The following IL1RAPL2 variants were observed in gnomAD, a reference collection of about 807,000 sequenced individuals.
The protein encoded by IL1RAPL2 is interleukin 1 receptor accessory protein like 2, also known as X-linked interleukin-1 receptor accessory protein-like 2.
Under a neutral mutation model 44.1 loss-of-function variants are expected in IL1RAPL2, and 3 were observed. That is an observed-to-expected ratio of 0.07 (90% CI 0.03 to 0.18). The LOEUF is 0.18. IL1RAPL2 is among the 10% of genes least tolerant of loss of function. The pLI is 1.00. For synonymous variants in IL1RAPL2, 181 were observed against 178.8 expected (o/e 1.01, Z -0.10); for missense variants, 391 against 496.4 (o/e 0.79, Z 2.02).
intron 2 of IL1RAPL2, among the ~76,000 whole-genome samples, chrX:105,101,018 AG>A (rs750623716): frequency 8.9e-6 from 1 of 112,621 alleles, no homozygotes; most frequent in South Asian, 3.6e-4. Context: ...TTTCACATAG[AG>A]GGGAACATTA....
intron 2 of IL1RAPL2, among the ~76,000 whole-genome samples, chrX:104,858,019 C>T (rs1343162042): frequency 1.8e-5 from 2 of 110,670 alleles, no homozygotes; most frequent in Admixed American, 9.7e-5. Context: ...TTTTTCAGTC[C>T]GCCAGTACTC....
intron 3 of IL1RAPL2, among the ~76,000 whole-genome samples, chrX:105,214,541 C>T (rs1383101674): frequency 1.8e-5 from 2 of 110,474 alleles, no homozygotes; most frequent in African/African-American, 3.3e-5. Flanking sequence ...ACATTAACAC[C>T]CCACTATCAA....
chrX:104,922,232 C>G (rs757956517), intron 2 of IL1RAPL2, among the ~76,000 whole-genome samples: 22 of 112,916 alleles, frequency 1.9e-4, no homozygotes, highest in Non-Finnish European at 3.2e-4. Context: ...AGTAAAAAGT[C>G]CACTGCCATC....
chrX:104,576,814 T>C (rs1030705319), intron 1 of IL1RAPL2, among the ~76,000 whole-genome samples: 4 of 111,980 alleles, frequency 3.6e-5, no homozygotes, highest in Admixed American at 9.5e-5. Flanking sequence ...TGGATCAATC[T>C]AACCACCACT....
chrX:104,803,662 A>G (rs1034842192), intron 2 of IL1RAPL2, among the ~76,000 whole-genome samples: 1 of 112,315 alleles, frequency 8.9e-6, no homozygotes, highest in African/African-American at 3.2e-5. Context: ...CCCCAGGCCA[A>G]TCAGTCTGAA....
At chrX:104,793,930 C>T (rs1932837741) in intron 2 of IL1RAPL2, among the ~76,000 whole-genome samples, 1 of 111,280 alleles carries the variant, frequency 9.0e-6, no homozygotes. Context: ...GGGGATTTGT[C>T]TTGGAGCTGC....
At chrX:105,665,848 T>C (rs1432196024) in intron 6 of IL1RAPL2, among the ~76,000 whole-genome samples, 2 of 106,525 alleles carry the variant, frequency 1.9e-5, no homozygotes, top group African/African-American at 6.9e-5. Flanking sequence ...CTGCAAGCTC[T>C]GTCTCCTGAG....
intron 5 of IL1RAPL2, among the ~76,000 whole-genome samples, chrX:105,375,060 C>T (rs2147719884): frequency 9.1e-6 from 1 of 109,792 alleles, no homozygotes; most frequent in Admixed American, 9.8e-5. Flanking sequence ...GATATAAAAT[C>T]ATACCACCTG....
At chrX:105,766,868 A>G (rs1276688732) in intron 10 of IL1RAPL2, 96 bp from the exon 11 acceptor site, 4 of 556,549 alleles carry the variant, frequency 7.2e-6, no homozygotes, top group African/African-American at 2.3e-5. Flanking sequence ...GACTTTAGTG[A>G]GAGACTGGAT....
At chrX:105,468,173 A>G (rs2036143741) in intron 5 of IL1RAPL2, among the ~76,000 whole-genome samples, 1 of 112,093 alleles carries the variant, frequency 8.9e-6, no homozygotes, top group East Asian at 2.8e-4. Flanking sequence ...TCTTTAGCAT[A>G]TATCTTCCAA....
intron 2 of IL1RAPL2, among the ~76,000 whole-genome samples, chrX:105,032,302 C>A (rs777235165): frequency 9.3e-6 from 1 of 107,544 alleles, no homozygotes; most frequent in East Asian, 2.9e-4. Flanking sequence ...TTTTCTAGTT[C>A]TTTTAATTGT....
chrX:105,469,872 G>A (rs1425720547), intron 5 of IL1RAPL2, among the ~76,000 whole-genome samples: 1 of 110,883 alleles, frequency 9.0e-6, no homozygotes. Flanking sequence ...AATTAATACT[G>A]GTGAAGTCCT....
intron 6 of IL1RAPL2, among the ~76,000 whole-genome samples, chrX:105,521,307 A>T (rs2036556730): frequency 9.1e-6 from 1 of 110,017 alleles, no homozygotes; most frequent in South Asian, 4.0e-4. Flanking sequence ...TGCAAGCTGC[A>T]TTAAATGGGT....
At chrX:105,377,084 A>G (rs1005191049) in intron 5 of IL1RAPL2, among the ~76,000 whole-genome samples, 1 of 111,425 alleles carries the variant, frequency 9.0e-6, no homozygotes, top group Admixed American at 9.6e-5. Context: ...TTTTGTATAA[A>G]CTTTCCCCAA....
At chrX:105,374,764 C>G (rs185705811) in intron 5 of IL1RAPL2, among the ~76,000 whole-genome samples, 1 of 107,706 alleles carries the variant, frequency 9.3e-6, no homozygotes, top group Non-Finnish European at 1.9e-5. Context: ...CTGGCTAACA[C>G]GGTGAAACCC....
intron 2 of IL1RAPL2, among the ~76,000 whole-genome samples, chrX:104,993,506 T>C (rs1236236204): frequency 8.9e-6 from 1 of 111,939 alleles, no homozygotes; most frequent in Admixed American, 9.5e-5. Flanking sequence ...TTAAATTTTG[T>C]TTACTATTAA....
intron 2 of IL1RAPL2, among the ~76,000 whole-genome samples, chrX:104,673,566 G>T (rs1239680797): frequency 1.8e-5 from 2 of 111,127 alleles, no homozygotes; most frequent in African/African-American, 6.6e-5. Context: ...GCTTAGGATT[G>T]ATTTGGCGAT....
chrX:104,789,347 T>C (rs1932814519), intron 2 of IL1RAPL2, among the ~76,000 whole-genome samples: 1 of 111,717 alleles, frequency 9.0e-6, no homozygotes, highest in Non-Finnish European at 1.9e-5. Context: ...TTTATGCCCA[T>C]GAGCACCCAA....
intron 2 of IL1RAPL2, among the ~76,000 whole-genome samples, chrX:104,659,422 C>A (rs1483702220): frequency 9.0e-6 from 1 of 111,647 alleles, no homozygotes; most frequent in East Asian, 2.8e-4. Context: ...TACCCAGTTG[C>A]TAACAGGCAG....
Sources: allele counts gnomAD v4.1 joint callset (sites outside exome capture counted in the v4.1 genomes callset), GRCh38; gene constraint gnomAD v4.1.1; transcripts MANE v1.5; gene names NCBI Gene and HGNC (gene_info 2026-07-23, HGNC 2026-07-21).